RUFY1: variants seen among roughly 807,000 people sequenced by gnomAD.
The protein encoded by RUFY1 is RUN and FYVE domain containing 1, also known as RUN and FYVE domain-containing protein 1.
RUFY1 carries 54 observed loss-of-function variants against 94.6 expected under a neutral mutation model. The ratio of observed to expected loss-of-function variants is 0.57; its 90% CI spans 0.46 to 0.72. RUFY1 has a LOEUF of 0.72. Among genes scored for constraint, RUFY1 ranks in the 30% least tolerant of loss-of-function variants. The pLI is 0.00. For synonymous variants in RUFY1, 396 were observed against 347.3 expected (o/e 1.14, Z -1.56); for missense variants, 883 against 883.9 (o/e 1.00, Z 0.01).
At chr5:179,560,725 C>CAAAA (rs68093858) in intron 2 of RUFY1, among the ~76,000 whole-genome samples, 2 of 78,802 alleles carry the variant, frequency 2.5e-5, no homozygotes, top group Non-Finnish European at 5.0e-5. Flanking sequence ...GACTCCGTCT[C>CAAAA]AAAAAAAAAA....
chr5:179,554,518 A>G (rs1762016734), intron 1 of RUFY1, among the ~76,000 whole-genome samples: 3 of 151,904 alleles, frequency 2.0e-5, no homozygotes. Context: ...CTAGGGCAAC[A>G]AGAGCAAAAC....
chr5:179,564,426 T>C (rs958051685), intron 3 of RUFY1, among the ~76,000 whole-genome samples: 1 of 150,794 alleles, frequency 6.6e-6, no homozygotes, highest in Non-Finnish European at 1.5e-5. Context: ...GGCTGTTTTT[T>C]TTTTTTTTTT....
chr5:179,578,358 C>T (rs1763823747), intron 6 of RUFY1, among the ~76,000 whole-genome samples: 2 of 151,930 alleles, frequency 1.3e-5, no homozygotes, highest in African/African-American at 4.8e-5. Flanking sequence ...GGATAACAGG[C>T]GTTCCCCATC....
chr5:179,599,370 G>T (rs1183039167), intron 14 of RUFY1: 1 of 152,862 alleles, frequency 6.5e-6, no homozygotes, highest in Non-Finnish European at 1.5e-5. Flanking sequence ...AGGAAGCTGG[G>T]AGGAACCAGT....
At chr5:179,575,867 A>T (rs1270142497) in intron 5 of RUFY1, among the ~76,000 whole-genome samples, 16 of 151,748 alleles carry the variant, frequency 1.1e-4, no homozygotes, top group Admixed American at 1.1e-3. Context: ...CTGCAGCCTT[A>T]ACCTCCTGGG....
In RUFY1 at chr5:179,594,963, G is replaced by T; in HGVS notation, c.1511G>T (p.Arg504Met). ...VMSSMKQMEE[R>M]LQHSERARQG... ...TCCAGCATGAAACAAATGGAAGAAA[G>T]GTAATCACTTCCCCCTGGCAGATAT... Residue 504 changes from arginine to methionine, a missense_variant and splice_region_variant, in exon 12 of 18, where the codon AGG (arginine) becomes ATG (methionine). By Grantham distance (91) the Arg-to-Met change is moderately conservative (BLOSUM62 -1). Transcript: ENST00000319449. The T allele has an allele frequency of 6.3e-7, 1 of 1,592,084 alleles. No homozygotes were observed. Among genetic ancestry groups the T allele is most frequent in the Non-Finnish European group, 8.6e-7 (1 of 1,160,546 alleles).
At chr5:179,552,181 A>AC (rs1761896100) in intron 1 of RUFY1, among the ~76,000 whole-genome samples, 3 of 151,062 alleles carry the variant, frequency 2.0e-5, no homozygotes, top group Admixed American at 2.0e-4. Flanking sequence ...AAAAAAAAAA[A>AC]AAAAAACTTG....
At chr5:179,586,413 T>C (rs1041559390) in intron 8 of RUFY1, 11 of 456,606 alleles carry the variant, frequency 2.4e-5, no homozygotes, top group African/African-American at 2.2e-4. Context: ...GTCTCCTTGC[T>C]GGACACATCT....
intron 3 of RUFY1, 172 bp downstream of exon 3, chr5:179,562,836 T>G: frequency 1.8e-6 from 1 of 555,908 alleles, no homozygotes; most frequent in Non-Finnish European, 3.2e-6. Context: ...TTTCCTTTTC[T>G]TTAAAATGGG....
intron 9 of RUFY1, among the ~76,000 whole-genome samples, chr5:179,591,406 G>A (rs746612462): frequency 7.2e-4 from 108 of 149,176 alleles, no homozygotes; most frequent in African/African-American, 2.4e-3. Flanking sequence ...GGATGGTCTC[G>A]ATCGCCTGAC....
chr5:179,589,344 G>T, intron 8 of RUFY1: 1 of 521,230 alleles, frequency 1.9e-6, no homozygotes, highest in Non-Finnish European at 3.5e-6. Context: ...CTAGGGGCAA[G>T]GGCGGAGGAG....
At chr5:179,606,150 A>C (rs1767062202) in intron 16 of RUFY1, 2 of 577,364 alleles carry the variant, frequency 3.5e-6, no homozygotes, top group East Asian at 2.9e-5. Context: ...CAGTTCCTCC[A>C]CCATCAGCTG....
intron 16 of RUFY1, chr5:179,606,196 G>A: frequency 1.9e-6 from 1 of 524,970 alleles, no homozygotes; most frequent in Non-Finnish European, 3.4e-6. Flanking sequence ...ATTCCCTAAG[G>A]GGGAAGCAGG....
chr5:179,591,553 T>G (rs758541063), intron 9 of RUFY1, 72 bp from the exon 10 acceptor site: 30 of 932,062 alleles, frequency 3.2e-5, no homozygotes, highest in Admixed American at 9.1e-5. Context: ...TTGTGGTATA[T>G]TTTGAAATAC....
chr5:179,576,566 A>G (rs1176691242), intron 5 of RUFY1, among the ~76,000 whole-genome samples: 1 of 152,060 alleles, frequency 6.6e-6, no homozygotes, highest in Non-Finnish European at 1.5e-5. Context: ...GATTACAGGC[A>G]CCTGCCACCA....
intron 5 of RUFY1, among the ~76,000 whole-genome samples, chr5:179,570,604 C>T (rs1339598624): frequency 2.0e-5 from 3 of 152,146 alleles, no homozygotes; most frequent in Non-Finnish European, 2.9e-5. Flanking sequence ...TTCCTCACTT[C>T]CACCCCCTCT....
chr5:179,565,230 G>A (rs1168280658), intron 3 of RUFY1, among the ~76,000 whole-genome samples: 1 of 135,712 alleles, frequency 7.4e-6, no homozygotes, highest in Non-Finnish European at 1.5e-5. Flanking sequence ...CCAGGCTGGA[G>A]TGCAGTGGCA....
At chr5:179,605,404 C>T (rs1402172251) in intron 15 of RUFY1, among the ~76,000 whole-genome samples, 3 of 152,132 alleles carry the variant, frequency 2.0e-5, no homozygotes, top group Admixed American at 6.5e-5. Flanking sequence ...AGGAATTGTT[C>T]TGACACTGAA....
chr5:179,593,243 A>C (rs970186248), intron 10 of RUFY1, among the ~76,000 whole-genome samples: 3 of 151,680 alleles, frequency 2.0e-5, no homozygotes, highest in Non-Finnish European at 2.9e-5. Flanking sequence ...ACACCCAGCT[A>C]ATTTTTGTAT....
Sources: gnomAD v4.1 joint callset for allele counts (sites outside exome capture counted in the v4.1 genomes callset) on GRCh38, gnomAD v4.1.1 for gene constraint, MANE v1.5 for transcripts, NCBI Gene and HGNC (gene_info 2026-07-23, HGNC 2026-07-21) for gene names.